PTPRM: variants seen among roughly 807,000 people sequenced by gnomAD.
PTPRM encodes protein tyrosine phosphatase receptor type M, also known as receptor-type tyrosine-protein phosphatase mu.
Under a neutral mutation model 186.7 loss-of-function variants are expected in PTPRM, and 47 were observed. The observed-to-expected ratio is 0.25, with a 90% confidence interval of 0.20 to 0.32. The LOEUF is 0.32. Ranked by LOEUF, PTPRM falls within the 10% of genes least tolerant of loss-of-function variation. The pLI is 1.00. For synonymous variants in PTPRM, 668 were observed against 674.9 expected (o/e 0.99, Z 0.16); for missense variants, 1,494 against 1,865.0 (o/e 0.80, Z 3.66).
intron 3 of PTPRM, among the ~76,000 whole-genome samples, chr18:7,891,046 G>A (rs1599321683): frequency 6.6e-6 from 1 of 152,024 alleles, no homozygotes; most frequent in Non-Finnish European, 1.5e-5. Context: ...GGAGGCCGAG[G>A]TGGGAGGATC....
At chr18:8,085,237 A>G (rs1186698280) in intron 9 of PTPRM, among the ~76,000 whole-genome samples, 2 of 152,080 alleles carry the variant, frequency 1.3e-5, no homozygotes, top group African/African-American at 4.8e-5. Context: ...AAAACACTTC[A>G]GTGCCCTCGT....
chr18:8,336,588 C>CAG (rs542418581), intron 22 of PTPRM, among the ~76,000 whole-genome samples: 2 of 131,808 alleles, frequency 1.5e-5, no homozygotes, highest in East Asian at 4.6e-4. Context: ...CAGAGACAGA[C>CAG]AGAGAGAGAG....
chr18:7,580,715 TA>T (rs2036821564), intron 1 of PTPRM, among the ~76,000 whole-genome samples: 1 of 152,062 alleles, frequency 6.6e-6, no homozygotes. Context: ...CTTTGGGAGG[TA>T]AAGTCGTCTC....
intron 5 of PTPRM, chr18:7,946,777 T>C (rs2052553786): frequency 2.7e-6 from 1 of 365,882 alleles, no homozygotes; most frequent in Admixed American, 3.6e-5. Context: ...TTACAGATAA[T>C]ACTAAAGATA....
At chr18:7,605,271 T>C (rs1040254139) in intron 1 of PTPRM, among the ~76,000 whole-genome samples, 2 of 152,244 alleles carry the variant, frequency 1.3e-5, no homozygotes, top group African/African-American at 4.8e-5. Flanking sequence ...GCATGTGTCC[T>C]GTGGGCCATG....
intron 20 of PTPRM, among the ~76,000 whole-genome samples, chr18:8,307,582 T>C (rs893164723): frequency 6.6e-6 from 1 of 152,134 alleles, no homozygotes; most frequent in African/African-American, 2.4e-5. Flanking sequence ...GGCAGGCAGA[T>C]CACCTGAGGA....
chr18:7,691,847 A>C (rs997177572), intron 1 of PTPRM, among the ~76,000 whole-genome samples: 5 of 151,934 alleles, frequency 3.3e-5, no homozygotes, highest in Non-Finnish European at 5.9e-5. Context: ...AGGTGGGAGG[A>C]TGGCTAGATC....
intron 9 of PTPRM, among the ~76,000 whole-genome samples, chr18:8,079,317 C>G (rs566479227): frequency 3.9e-5 from 6 of 152,168 alleles, no homozygotes; most frequent in Admixed American, 1.3e-4. Flanking sequence ...TTCCTACAAC[C>G]TGGGTCTGAT....
At chr18:8,009,585 G>A (rs1164530710) in intron 7 of PTPRM, among the ~76,000 whole-genome samples, 1 of 152,152 alleles carries the variant, frequency 6.6e-6, no homozygotes, top group Non-Finnish European at 1.5e-5. Flanking sequence ...GCGCACGCCT[G>A]TAGTCCCAAC....
intron 22 of PTPRM, among the ~76,000 whole-genome samples, chr18:8,335,252 C>G (rs2095432617): frequency 6.6e-6 from 1 of 150,952 alleles, no homozygotes; most frequent in South Asian, 2.1e-4. Flanking sequence ...TCCCCTCTCC[C>G]CTCCTTCAGA....
intron 1 of PTPRM, among the ~76,000 whole-genome samples, chr18:7,773,021 A>T (rs2042402891): frequency 6.6e-6 from 1 of 152,194 alleles, no homozygotes; most frequent in Non-Finnish European, 1.5e-5. Flanking sequence ...TCAAGAGGAT[A>T]TGAGATGGGA....
intron 2 of PTPRM, among the ~76,000 whole-genome samples, chr18:7,792,821 C>T (rs2043409536): frequency 6.6e-6 from 1 of 152,024 alleles, no homozygotes; most frequent in East Asian, 1.9e-4. Flanking sequence ...CACAACACTA[C>T]ACCTGGCTAA....
rs145289963 is a variant in PTPRM, at chr18:7,696,054, C to T, written c.74-78095C>T. Among the ~76,000 whole-genome samples, 1,349 of 152,272 alleles carry T rather than the reference C, an allele frequency of 8.9e-3. 31 individuals carry two copies. The highest frequency in any genetic ancestry group is 0.031 in the African/African-American group (1,289 of 41,546). ...TTAATGGTTAATGTCAGCATTTTAG[C>T]ATGAACGTTTAAGTGTCCCCAAAGA... On this transcript the variant is annotated intron_variant, in intron 1 of 32. Transcript: ENST00000580170.
chr18:8,182,607 G>A (rs1468587417), intron 14 of PTPRM, among the ~76,000 whole-genome samples: 1 of 152,140 alleles, frequency 6.6e-6, no homozygotes, highest in African/African-American at 2.4e-5. Context: ...TGCCCAAATA[G>A]AGAATAAACA....
chr18:8,316,614 A>G (rs1368058462), intron 21 of PTPRM, among the ~76,000 whole-genome samples: 1 of 152,122 alleles, frequency 6.6e-6, no homozygotes, highest in Admixed American at 6.5e-5. Context: ...AAAACTGTGA[A>G]CCGTTCAAAC....
At chr18:7,815,057 C>T (rs1219494955) in intron 2 of PTPRM, 2 of 152,166 alleles carry the variant, frequency 1.3e-5, no homozygotes. Context: ...ACCATCAGTC[C>T]TCCCAGATAG....
chr18:8,097,781 G>A (rs1420394591), intron 11 of PTPRM, among the ~76,000 whole-genome samples: 1 of 152,114 alleles, frequency 6.6e-6, no homozygotes, highest in Non-Finnish European at 1.5e-5. Context: ...CCTAAGATAA[G>A]AGAAGTTAAA....
chr18:8,400,456 T>C (rs1488430462), intron 32 of PTPRM, among the ~76,000 whole-genome samples: 2 of 152,188 alleles, frequency 1.3e-5, no homozygotes, highest in Non-Finnish European at 2.9e-5. Flanking sequence ...TGCACAGGCC[T>C]GCCCCAGCCC....
chr18:7,915,303 C>G (rs765937478), intron 4 of PTPRM, among the ~76,000 whole-genome samples: 10 of 152,034 alleles, frequency 6.6e-5, no homozygotes, highest in Non-Finnish European at 8.8e-5. Flanking sequence ...GCTGGCATAG[C>G]ATTTTGAAAG....
Sources: allele counts gnomAD v4.1 joint callset (sites outside exome capture counted in the v4.1 genomes callset), GRCh38; gene constraint gnomAD v4.1.1; transcripts MANE v1.5; gene names NCBI Gene and HGNC (gene_info 2026-07-23, HGNC 2026-07-21).